KIF18A: variants seen among roughly 807,000 people sequenced by gnomAD.
KIF18A encodes kinesin-like protein KIF18A.
Under a neutral mutation model 103.3 loss-of-function variants are expected in KIF18A, and 67 were observed. The observed-to-expected ratio is 0.65, with a 90% CI of 0.53 to 0.79. The LOEUF is 0.79. Ranked by LOEUF, KIF18A falls within the 30% of genes least tolerant of loss-of-function variation. The pLI, the probability that KIF18A is intolerant of heterozygous loss-of-function variation, is 0.00. For missense variants in KIF18A, 1,032 were observed against 1,062.5 expected (o/e 0.97, Z 0.40); for synonymous variants, 367 against 355.5 (o/e 1.03, Z -0.36).
intron 13 of KIF18A, among the ~76,000 whole-genome samples, chr11:28,045,660 A>G (rs1250957251): frequency 6.6e-6 from 1 of 152,112 alleles, no homozygotes; most frequent in Non-Finnish European, 1.5e-5. Flanking sequence ...AAACCAGAGA[A>G]GAAATAAGGT....
chr11:28,106,188 T>C (rs1326249217), intron 1 of KIF18A, among the ~76,000 whole-genome samples: 1 of 152,186 alleles, frequency 6.6e-6, no homozygotes, highest in African/African-American at 2.4e-5. Context: ...ACCAGAAGAA[T>C]AAAACACAAA....
chr11:28,104,233 T>C (rs999369643), intron 1 of KIF18A, among the ~76,000 whole-genome samples: 12 of 152,172 alleles, frequency 7.9e-5, no homozygotes, highest in Non-Finnish European at 1.8e-4. Context: ...TTGCATGTCA[T>C]TTACCTGCTC....
intron 15 of KIF18A, among the ~76,000 whole-genome samples, chr11:28,032,183 T>C (rs1850419608): frequency 6.6e-6 from 1 of 151,408 alleles, no homozygotes; most frequent in Non-Finnish European, 1.5e-5. Flanking sequence ...AAGAGCTCCA[T>C]AATGAAAACT....
intron 10 of KIF18A, among the ~76,000 whole-genome samples, chr11:28,073,172 A>G (rs1851042884): frequency 6.6e-6 from 1 of 152,092 alleles, no homozygotes; most frequent in African/African-American, 2.4e-5. Flanking sequence ...GGCTACTTTC[A>G]AATTCTGAGA....
intron 5 of KIF18A, among the ~76,000 whole-genome samples, chr11:28,090,293 G>A (rs1851284481): frequency 6.6e-6 from 1 of 152,084 alleles, no homozygotes; most frequent in Non-Finnish European, 1.5e-5. Context: ...AGTTCTACAA[G>A]TCTAGATTTA....
At chr11:28,039,029 G>A (rs1429802808) in intron 13 of KIF18A, among the ~76,000 whole-genome samples, 1 of 151,598 alleles carries the variant, frequency 6.6e-6, no homozygotes, top group African/African-American at 2.4e-5. Flanking sequence ...TGAATTGGGA[G>A]TCAGGAGACT....
chr11:28,083,813 A>G (rs1452208748), intron 7 of KIF18A, among the ~76,000 whole-genome samples: 1 of 152,160 alleles, frequency 6.6e-6, no homozygotes, highest in East Asian at 1.9e-4. Flanking sequence ...ATCATGTGTT[A>G]CAAACCTTTC....
rs200632463 is a variant in KIF18A, at chr11:28,082,724, G to A, written c.1262+132C>T. 3.9e-5 allele frequency: 22 copies of A among 561,788 alleles called. No individual in the cohort carries two copies. The East Asian group carries it at 6.0e-4, about 15-fold the overall frequency. 34.8% of individuals were successfully genotyped at this position (561,788 alleles called of 1,614,324 possible). ...GTTATGTATGTATGTATGTATGTGT[G>A]TATATATAAAATTATAAACATACAT... is the stretch of plus-strand genomic sequence containing the variant. On this transcript the variant is annotated intron_variant, in intron 9 of 16. Coordinates refer to ENST00000263181, the MANE Select transcript of KIF18A (RefSeq NM_031217.4).
chr11:28,097,141 T>C (rs999793819), intron 2 of KIF18A, among the ~76,000 whole-genome samples: 11 of 152,074 alleles, frequency 7.2e-5, no homozygotes, highest in Non-Finnish European at 2.9e-5. Flanking sequence ...ACCCCATAGG[T>C]AGTTTTTTGA....
intron 13 of KIF18A, among the ~76,000 whole-genome samples, chr11:28,039,266 A>G (rs1429268069): frequency 2.0e-5 from 3 of 151,722 alleles, no homozygotes; most frequent in Non-Finnish European, 4.4e-5. Flanking sequence ...TCCAATCATC[A>G]AAAACTTACT....
At chr11:28,089,518 G>A (rs770158166) in intron 5 of KIF18A, among the ~76,000 whole-genome samples, 11 of 152,038 alleles carry the variant, frequency 7.2e-5, no homozygotes, top group Non-Finnish European at 1.3e-4. Context: ...GTGCAGGTTC[G>A]TTTACACCAA....
chr11:28,071,370 C>T (rs1251255003), intron 10 of KIF18A, among the ~76,000 whole-genome samples: 6 of 151,636 alleles, frequency 4.0e-5, no homozygotes, highest in Non-Finnish European at 8.8e-5. Flanking sequence ...ACATGTAAAA[C>T]AACGCCACTC....
chr11:28,025,022 G>C (rs1465959677), intron 15 of KIF18A, among the ~76,000 whole-genome samples: 1 of 151,884 alleles, frequency 6.6e-6, no homozygotes, highest in East Asian at 1.9e-4. Flanking sequence ...TAATAAAATA[G>C]AGCAATTATA....
At chr11:28,058,662 C>CAAAAAA (rs58273868) in intron 13 of KIF18A, among the ~76,000 whole-genome samples, 31 of 64,440 alleles carry the variant, frequency 4.8e-4, no homozygotes, top group East Asian at 3.8e-3. Flanking sequence ...ACCCTGTCAC[C>CAAAAAA]AAAAAAAAAA....
At chr11:28,049,396 C>A (rs182267548) in intron 13 of KIF18A, among the ~76,000 whole-genome samples, 2 of 151,814 alleles carry the variant, frequency 1.3e-5, no homozygotes, top group Admixed American at 6.6e-5. Context: ...TTTTGATGTG[C>A]CATATCATGT....
intron 1 of KIF18A, among the ~76,000 whole-genome samples, chr11:28,104,565 T>C (rs1488758511): frequency 2.0e-5 from 3 of 152,166 alleles, no homozygotes; most frequent in South Asian, 2.1e-4. Flanking sequence ...CTATCTAAGA[T>C]AGTGTCACCC....
chr11:28,084,128 C>T (rs1156387392), intron 7 of KIF18A: 2 of 152,076 alleles, frequency 1.3e-5, no homozygotes, highest in African/African-American at 2.4e-5. Flanking sequence ...GGTACATCAA[C>T]ATCATGAATG....
At chr11:28,038,092 G>A (rs1159012325) in intron 13 of KIF18A, among the ~76,000 whole-genome samples, 1 of 150,936 alleles carries the variant, frequency 6.6e-6, no homozygotes, top group Non-Finnish European at 1.5e-5. Flanking sequence ...TTCTGTTCAT[G>A]TCATCCTTCT....
intron 1 of KIF18A, among the ~76,000 whole-genome samples, chr11:28,099,193 A>T (rs1286543721): frequency 2.6e-5 from 4 of 152,188 alleles, no homozygotes; most frequent in Non-Finnish European, 5.9e-5. Flanking sequence ...TGACGACATG[A>T]ATGAATCTAG....
Sources: allele counts gnomAD v4.1 joint callset (sites outside exome capture counted in the v4.1 genomes callset), GRCh38; gene constraint gnomAD v4.1.1; transcripts MANE v1.5; gene names NCBI Gene and HGNC (gene_info 2026-07-23, HGNC 2026-07-21).